THSD4: variants seen among roughly 807,000 people sequenced by gnomAD.
The protein encoded by THSD4 is thrombospondin type 1 domain containing 4.
In THSD4, 69 loss-of-function variants were observed where a neutral mutation model predicts 119.0. That is an observed-to-expected ratio of 0.58 (90% CI 0.48 to 0.71). The LOEUF (loss-of-function observed/expected upper bound fraction) is 0.71, where lower values mean the gene tolerates loss of function less well. Ranked by LOEUF, THSD4 falls within the 30% of genes least tolerant of loss-of-function variation. The probability of loss-of-function intolerance (pLI) is 0.00; values close to 1 mark genes in which losing one functional copy is unlikely to be tolerated. For missense variants in THSD4, 1,393 were observed against 1,391.1 expected (o/e 1.00, Z -0.02); for synonymous variants, 524 against 540.4 (o/e 0.97, Z 0.42).
chr15:71,428,946 T>C (rs1471926708), intron 7 of THSD4, among the ~76,000 whole-genome samples: 1 of 152,218 alleles, frequency 6.6e-6, no homozygotes, highest in Non-Finnish European at 1.5e-5. Flanking sequence ...TTTCAATATC[T>C]AGAGAACATG....
intron 15 of THSD4, among the ~76,000 whole-genome samples, chr15:71,763,160 T>C (rs1173627879): frequency 6.6e-6 from 1 of 152,148 alleles, no homozygotes; most frequent in African/African-American, 2.4e-5. Flanking sequence ...AAGCAGAAAC[T>C]GATGGCCTCT....
chr15:71,669,762 A>G (rs370723323), intron 8 of THSD4, among the ~76,000 whole-genome samples: 11 of 152,194 alleles, frequency 7.2e-5, no homozygotes, highest in African/African-American at 2.7e-4. Flanking sequence ...CAAATGGAGC[A>G]GAGCCCAGTA....
chr15:71,311,935 C>T (rs372368640), intron 6 of THSD4, among the ~76,000 whole-genome samples: 4 of 152,158 alleles, frequency 2.6e-5, no homozygotes, highest in East Asian at 1.9e-4. Context: ...CATACCTGGC[C>T]TCTGGCTTTC....
At chr15:71,764,759 G>GA (rs141122148) in intron 15 of THSD4, among the ~76,000 whole-genome samples, 5,955 of 152,184 alleles carry the variant, frequency 0.039, 408 homozygotes, top group African/African-American at 0.14. Context: ...TCTCAGCACA[G>GA]AAGACAACAA....
intron 7 of THSD4, among the ~76,000 whole-genome samples, chr15:71,472,551 C>G (rs1042208491): frequency 1.3e-5 from 2 of 152,132 alleles, no homozygotes; most frequent in African/African-American, 4.8e-5. Flanking sequence ...TTTCTTTGCT[C>G]TTCTTAGAGA....
At chr15:71,614,391 CTG>C (rs760038761) in intron 7 of THSD4, among the ~76,000 whole-genome samples, 9 of 152,186 alleles carry the variant, frequency 5.9e-5, no homozygotes, top group Non-Finnish European at 1.3e-4. Flanking sequence ...AGTCTCCTGA[CTG>C]AGAGGATGCT....
intron 7 of THSD4, among the ~76,000 whole-genome samples, chr15:71,495,673 C>G (rs569070120): frequency 4.6e-5 from 7 of 152,256 alleles, no homozygotes; most frequent in Admixed American, 1.3e-4. Context: ...ATATTATTAT[C>G]TTTGTAACAT....
intron 7 of THSD4, among the ~76,000 whole-genome samples, chr15:71,422,267 C>T (rs1014789935): frequency 6.6e-6 from 1 of 152,120 alleles, no homozygotes; most frequent in Admixed American, 6.5e-5. Context: ...GTAGTCTTCA[C>T]AGTCTGGGTT....
intron 6 of THSD4, among the ~76,000 whole-genome samples, chr15:71,265,019 T>G (rs2044447984): frequency 2.6e-5 from 4 of 152,046 alleles, no homozygotes; most frequent in Admixed American, 6.6e-5. Flanking sequence ...GGCCCTGATC[T>G]GATAGGATTA....
At chr15:71,662,130 C>T (rs1028314215) in intron 8 of THSD4, among the ~76,000 whole-genome samples, 11 of 152,170 alleles carry the variant, frequency 7.2e-5, no homozygotes, top group Non-Finnish European at 1.5e-4. Context: ...GGCTGCAGCA[C>T]TTGAAAGACT....
intron 7 of THSD4, among the ~76,000 whole-genome samples, chr15:71,456,371 T>TG (rs2047339128): frequency 2.0e-5 from 3 of 152,314 alleles, no homozygotes; most frequent in Admixed American, 1.3e-4. Context: ...TTTGGTCAGA[T>TG]GGTGAAGATG....
chr15:71,107,196 A>G (rs139679633), intron 1 of THSD4, among the ~76,000 whole-genome samples: 2 of 152,330 alleles, frequency 1.3e-5, no homozygotes, highest in Non-Finnish European at 2.9e-5. Context: ...TCCAGAAGAA[A>G]GTTCTTATTA....
intron 2 of THSD4, among the ~76,000 whole-genome samples, chr15:71,147,968 C>CAAAA (rs57726176): frequency 9.3e-5 from 3 of 32,134 alleles, no homozygotes; most frequent in African/African-American, 7.6e-5. Flanking sequence ...GACTCTGTCT[C>CAAAA]AAAAAAAAAA....
At chr15:71,261,050 C>T (rs903361007) in intron 6 of THSD4, among the ~76,000 whole-genome samples, 1 of 152,134 alleles carries the variant, frequency 6.6e-6, no homozygotes, top group Non-Finnish European at 1.5e-5. Flanking sequence ...TGCGGTGAGC[C>T]GAGATGGCAC....
At chr15:71,535,234 A>T (rs904359139) in intron 7 of THSD4, among the ~76,000 whole-genome samples, 1 of 152,208 alleles carries the variant, frequency 6.6e-6, no homozygotes, top group African/African-American at 2.4e-5. Flanking sequence ...CATTTAACGA[A>T]TGGTCTTTTG....
At chr15:71,547,810 G>A (rs559994706) in intron 7 of THSD4, 71 of 187,530 alleles carry the variant, frequency 3.8e-4, no homozygotes, top group African/African-American at 1.4e-3. Context: ...GTCAGATTTC[G>A]TTAGGGACTG....
chr15:71,731,356 G>A (rs1249400154), intron 10 of THSD4, 139 bp downstream of exon 10: 6 of 772,616 alleles, frequency 7.8e-6, no homozygotes, highest in Non-Finnish European at 1.3e-5. Flanking sequence ...AAGCCAAGGG[G>A]CCTTGACATT....
At chr15:71,706,011 G>A (rs1010292772) in intron 8 of THSD4, among the ~76,000 whole-genome samples, 2 of 152,176 alleles carry the variant, frequency 1.3e-5, no homozygotes, top group African/African-American at 4.8e-5. Context: ...GTGAGGAATT[G>A]CATCTAGAGA....
intron 6 of THSD4, among the ~76,000 whole-genome samples, chr15:71,271,152 TA>T (rs3086645): frequency 1.5e-4 from 23 of 151,636 alleles, no homozygotes; most frequent in African/African-American, 2.4e-4. Flanking sequence ...CGTTTTGCCA[TA>T]AAAAAAAATT....
Sources: allele counts gnomAD v4.1 joint callset (sites outside exome capture counted in the v4.1 genomes callset), GRCh38; gene constraint gnomAD v4.1.1; transcripts MANE v1.5; gene names NCBI Gene and HGNC (gene_info 2026-07-23, HGNC 2026-07-21).